The following BTG4 variants were observed in gnomAD, a reference collection of about 807,000 sequenced individuals.
BTG4 encodes the protein BTG anti-proliferation factor 4, also known as protein BTG4.
Under a neutral mutation model 19.3 loss-of-function variants are expected in BTG4, and 10 were observed. That is an observed-to-expected ratio of 0.52 (90% CI 0.32 to 0.88). BTG4 has a LOEUF of 0.88. Ranked by LOEUF, BTG4 falls within the 40% of genes least tolerant of loss-of-function variation. The pLI, the probability that BTG4 is intolerant of heterozygous loss-of-function variation, is 0.04. For synonymous variants in BTG4, 91 were observed against 95.7 expected (o/e 0.95, Z 0.29); for missense variants, 238 against 281.9 (o/e 0.84, Z 1.11).
intron 1 of BTG4, among the ~76,000 whole-genome samples, chr11:111,501,387 A>G (rs1287929631): frequency 6.6e-6 from 1 of 152,150 alleles, no homozygotes; most frequent in Non-Finnish European, 1.5e-5. Flanking sequence ...AATAAAAAAA[A>G]CCTTTCACTA....
At chr11:111,469,050 G>A (rs1451762782) in intron 5 of BTG4, 3 of 152,230 alleles carry the variant, frequency 2.0e-5, no homozygotes, top group Admixed American at 6.5e-5. Context: ...ATTTTTCCCC[G>A]GTCATCTGAA....
Position 111,478,551 on chromosome 11 carries a change from AT to A in BTG4, c.663-10871del, listed in dbSNP as rs541724906. On this transcript the variant is annotated intron_variant, in intron 5 of 5. Coordinates refer to the BTG4 transcript ENST00000356018. ...ACACCAAGATGACAAAGATGTTAGA[AT>A]TATGACAAAGATTTTAAAGGAGCAT... 3.8e-3 allele frequency among the ~76,000 whole-genome samples: 586 copies of A among 152,286 alleles called. 8 individuals are homozygous for A. The highest frequency in any genetic ancestry group is 0.013 in the African/African-American group (561 of 41,570).
At chr11:111,514,709 G>T, upstream of BTG4, 1 of 1,207,202 alleles carries the variant, frequency 8.3e-7, no homozygotes, top group Non-Finnish European at 1.2e-6. Flanking sequence ...TACCAACTTG[G>T]CGGTTCTCGG....
chr11:111,499,970 C>T (rs4351847), intron 1 of BTG4, among the ~76,000 whole-genome samples: 1 of 151,478 alleles, frequency 6.6e-6, no homozygotes, highest in Non-Finnish European at 1.5e-5. Context: ...GGTGAAACCC[C>T]GTCTCTACTA....
intron 2 of BTG4, 102 bp downstream of exon 2, chr11:111,498,502 T>G (rs1865874599): frequency 9.5e-7 from 1 of 1,053,774 alleles, no homozygotes; most frequent in African/African-American, 1.6e-5. Context: ...CCATAAAACT[T>G]TTGTTACTTA....
chr11:111,441,430 G>C, the BTG4 span, among the ~76,000 whole-genome samples: 4 of 151,674 alleles, frequency 2.6e-5, no homozygotes. Flanking sequence ...AGATTTTATG[G>C]GCTTGGGAAC....
intron 5 of BTG4, among the ~76,000 whole-genome samples, chr11:111,472,908 G>A (rs1029881305): frequency 2.6e-5 from 4 of 152,122 alleles, no homozygotes; most frequent in African/African-American, 9.7e-5. Context: ...CAATCTACCT[G>A]AGCTAACTAT....
At chr11:111,488,556 A>C (rs1865205869) in intron 5 of BTG4, among the ~76,000 whole-genome samples, 1 of 152,218 alleles carries the variant, frequency 6.6e-6, no homozygotes, top group Non-Finnish European at 1.5e-5. Flanking sequence ...TTTCTTGGGA[A>C]GACCTCAAAA....
rs1332588246 is a variant in BTG4, at chr11:111,500,525, A to G, written c.-26-1723T>C. Among the ~76,000 whole-genome samples, 8 of 152,160 alleles carry G rather than the reference A, an allele frequency of 5.3e-5. No individual in the cohort carries two copies. The East Asian group carries it at 1.3e-3, about 26-fold the overall frequency. On this transcript the variant is annotated intron_variant, in intron 1 of 4. Coordinates refer to ENST00000692032, the MANE Select transcript of BTG4 (RefSeq NM_001367975.1). ...CCAATCGTGTCTAATGTTCCACCAC[A>G]TGATGACATTTCAAATACTAGCTAC...
At chr11:111,409,823 A>G in the BTG4 span, among the ~76,000 whole-genome samples, 1 of 152,216 alleles carries the variant, frequency 6.6e-6, no homozygotes, top group Admixed American at 6.5e-5. Context: ...ATAGTAGGAA[A>G]AAAAGCAATT....
the BTG4 span, among the ~76,000 whole-genome samples, chr11:111,436,352 C>T: frequency 1.3e-5 from 2 of 152,190 alleles, no homozygotes; most frequent in African/African-American, 4.8e-5. Flanking sequence ...CACAGTGGCT[C>T]ACGCCTGTAA....
At chr11:111,437,798 G>T in the BTG4 span, among the ~76,000 whole-genome samples, 1 of 152,130 alleles carries the variant, frequency 6.6e-6, no homozygotes, top group East Asian at 1.9e-4. Context: ...ACTCTGCCCA[G>T]TTTCTCGTGT....
chr11:111,405,375 G>T, the BTG4 span, among the ~76,000 whole-genome samples: 1 of 116,002 alleles, frequency 8.6e-6, no homozygotes, highest in African/African-American at 3.5e-5. Context: ...TTGCACTCCA[G>T]CCTGGGCAAC....
chr11:111,511,816 C>G (rs1166879445), intron 1 of BTG4, among the ~76,000 whole-genome samples: 1 of 152,228 alleles, frequency 6.6e-6, no homozygotes, highest in African/African-American at 2.4e-5. Context: ...GTCTCACCTC[C>G]TCTGGGAACC....
the BTG4 span, among the ~76,000 whole-genome samples, chr11:111,430,243 T>C: frequency 6.6e-6 from 1 of 152,176 alleles, no homozygotes; most frequent in Non-Finnish European, 1.5e-5. Context: ...GAGACATCAA[T>C]TGATATATGT....
At chr11:111,489,956 A>T (rs945954066), downstream of BTG4, among the ~76,000 whole-genome samples, 1 of 152,078 alleles carries the variant, frequency 6.6e-6, no homozygotes, top group East Asian at 1.9e-4. Context: ...ACCATAGTCG[A>T]TAAGTTACTG....
chr11:111,412,031 G>A, the BTG4 span, among the ~76,000 whole-genome samples: 1,551 of 152,298 alleles, frequency 0.01, 17 homozygotes, highest in African/African-American at 0.034. Context: ...AGAAGGCAAC[G>A]GTGTCAAATC....
chr11:111,443,018 G>A, the BTG4 span, among the ~76,000 whole-genome samples: 9 of 152,278 alleles, frequency 5.9e-5, no homozygotes, highest in Admixed American at 4.6e-4. Flanking sequence ...CCTGGCCAAC[G>A]CTACCTCAGC....
the BTG4 span, among the ~76,000 whole-genome samples, chr11:111,437,052 T>C: frequency 6.6e-6 from 1 of 152,076 alleles, no homozygotes. Flanking sequence ...GCAGACAATA[T>C]CTTTATAAAA....
Sources: allele counts gnomAD v4.1 joint callset (sites outside exome capture counted in the v4.1 genomes callset), GRCh38; gene constraint gnomAD v4.1.1; transcripts MANE v1.5; gene names NCBI Gene and HGNC (gene_info 2026-07-23, HGNC 2026-07-21).